Variants in MAL2 observed in about 807,000 individuals in gnomAD.
MAL2 encodes the protein protein MAL2.
Under a neutral mutation model 18.1 loss-of-function variants are expected in MAL2, and 17 were observed. The ratio of observed to expected loss-of-function variants is 0.94; its 90% CI spans 0.64 to 1.41. The LOEUF is 1.41. Ranked by LOEUF, MAL2 falls within the 40% of genes most tolerant of loss-of-function variation. The probability of loss-of-function intolerance (pLI) is 0.00; values close to 1 mark genes in which losing one functional copy is unlikely to be tolerated. For synonymous variants in MAL2, 102 were observed against 102.3 expected (o/e 1.00, Z 0.02); for missense variants, 222 against 231.9 (o/e 0.96, Z 0.28).
In MAL2 at chr8:119,244,979, T is replaced by C. The variant is rs1297328070; in HGVS notation, c.*1491T>C. On this transcript the variant is annotated 3_prime_UTR_variant, in exon 4 of 4. Coordinates refer to ENST00000614891, the MANE Select transcript of MAL2 (RefSeq NM_052886.3). The stretch of plus-strand genomic sequence containing the variant: ...GGAGTGCCATGTATAAGTTGGGCTA[T>C]TAGAGTTCATGGAACATAGAACAAC... 2.0e-5 allele frequency: 3 copies of C among 152,588 alleles called. No individual in the cohort carries two copies. The East Asian group carries it at 5.8e-4, about 29-fold the overall frequency. 9.5% of individuals were successfully genotyped at this position (152,588 alleles called of 1,614,324 possible). A position where few individuals can be genotyped will look rare whatever the true frequency, so the allele number is the denominator to read the frequency against.
At chr8:119,235,716 T>G (rs1400274305) in intron 2 of MAL2, among the ~76,000 whole-genome samples, 35 of 149,804 alleles carry the variant, frequency 2.3e-4, no homozygotes, top group South Asian at 2.1e-4. Context: ...GAAGGAGAAA[T>G]AAAATACTTT....
Position 119,208,543 on chromosome 8 carries a change from C to T in MAL2, c.71C>T (p.Thr24Ile), listed in dbSNP as rs1250982063. The change falls in exon 1 of 4, where the codon ACC (threonine) becomes ATC (isoleucine). Residue 24 changes from threonine (T) to isoleucine (I), a missense_variant. By Grantham distance (89) the Thr-to-Ile change is moderately conservative. Transcript: ENST00000614891. This position sits in a 1 kb window ranked among gnomAD's most constrained non-coding sequence, Gnocchi z 4.3. ...PAVSFPPPRV[T>I]LPAGPDILRT... is the part of the protein sequence containing the mutation. ...GTGTCCTTCCCGCCGCCCCGGGTCA[C>T]CCTGCCCGCCGGCCCCGACATCCTG... The T allele has an allele frequency of 3.6e-6, 5 of 1,400,176 alleles. No homozygotes were observed. The highest frequency in any genetic ancestry group is 6.1e-5 in the East Asian group (2 of 32,778). The allele number at this position is 1,400,176 out of a possible 1,614,324, so 86.7% of individuals were successfully genotyped here.
intron 1 of MAL2, among the ~76,000 whole-genome samples, chr8:119,217,879 G>A (rs1020356778): frequency 1.3e-5 from 2 of 152,138 alleles, no homozygotes; most frequent in Non-Finnish European, 2.9e-5. Context: ...CCCGGAATTA[G>A]AGGAAGTGAA....
intron 2 of MAL2, among the ~76,000 whole-genome samples, chr8:119,230,386 T>A (rs1203863914): frequency 6.6e-6 from 1 of 151,700 alleles, no homozygotes; most frequent in East Asian, 1.9e-4. Context: ...GAAACCACAA[T>A]TTAATTCAGA....
chr8:119,216,888 G>A (rs1587120622), intron 1 of MAL2, among the ~76,000 whole-genome samples: 1 of 152,094 alleles, frequency 6.6e-6, no homozygotes, highest in Admixed American at 6.5e-5. Context: ...AAATTGGTTT[G>A]AAAAAATTTT....
At chr8:119,235,555 C>A (rs1036501034) in intron 2 of MAL2, among the ~76,000 whole-genome samples, 10 of 151,008 alleles carry the variant, frequency 6.6e-5, no homozygotes, top group African/African-American at 2.4e-4. Context: ...AGAGAAAGGT[C>A]GGGTTACCCT....
At chr8:119,232,213 T>C (rs55636028) in intron 2 of MAL2, among the ~76,000 whole-genome samples, 11,947 of 152,048 alleles carry the variant, frequency 0.079, 1,361 homozygotes, top group African/African-American at 0.25. Context: ...TAAATATGTA[T>C]TTTTCTCAAT....
rs1817224230 is a variant in MAL2 at position 119,208,676 on chromosome 8, T to TGTCTTCCTCTGCGTCCGCCCC, written c.132+73_132+93dup. 1.6e-6 allele frequency: 2 copies of TGTCTTCCTCTGCGTCCGCCCC among 1,225,616 alleles called. No homozygotes were observed. The highest frequency in any genetic ancestry group is 2.0e-6 in the Non-Finnish European group (2 of 981,922). The allele number at this position is 1,225,616 out of a possible 1,614,324, so 75.9% of individuals were successfully genotyped here. ...GCGGCGGCATCCTTGTCCCCCGGGC[T>TGTCTTCCTCTGCGTCCGCCCC]GTCTTCCTCTGCGTCCGCCCCCGGC... On this transcript the variant is annotated intron_variant, in intron 1 of 3. Coordinates refer to ENST00000614891, the MANE Select transcript of MAL2 (RefSeq NM_052886.3). The surrounding 1 kb of genome is among the most constrained non-coding windows in gnomAD (Gnocchi z 4.3).
intron 2 of MAL2, chr8:119,224,282 G>A (rs1166135012): frequency 6.6e-6 from 1 of 151,978 alleles, no homozygotes; most frequent in African/African-American, 2.4e-5. Context: ...AGGAGATTTT[G>A]GTTTTGAAAC....
rs1817462803 is a variant in MAL2 at position 119,221,483 on chromosome 8, G to C, written c.133-104G>C. The C allele has an allele frequency of 2.1e-6, 3 of 1,396,352 alleles. No individual in the cohort carries two copies. In the East Asian group the frequency reaches 6.9e-5, roughly 32 times the overall value. The allele number at this position is 1,396,352 out of a possible 1,614,324, so 86.5% of individuals were successfully genotyped here. A position where few individuals can be genotyped will look rare whatever the true frequency, so the allele number is the denominator to read the frequency against. ...GTTGCTGGAATATGTGCAGGGGTCT[G>C]GGAGGAAAATGAAGGCAATGCTGAG... On this transcript the variant is annotated intron_variant, in intron 1 of 3. Coordinates refer to ENST00000614891, the MANE Select transcript of MAL2 (RefSeq NM_052886.3).
Position 119,208,666 on chromosome 8 carries a change from T to C in MAL2, c.132+62T>C. Reference sequence around the variant, plus strand: ...GCGAGGACAGGCGGCGGCATCCTTGTCCCCCGGGCTGTCTTCCTCTGCGTC... The same window carrying C: ...GCGAGGACAGGCGGCGGCATCCTTGCCCCCCGGGCTGTCTTCCTCTGCGTC... On this transcript the variant is annotated intron_variant, in intron 1 of 3. Transcript: ENST00000614891. The surrounding 1 kb of genome is among the most constrained non-coding windows in gnomAD (Gnocchi z 4.3). 1 of 1,240,254 alleles carries C rather than the reference T, an allele frequency of 8.1e-7. No individual in the cohort carries two copies. The highest frequency in any genetic ancestry group is 3.3e-5 in the South Asian group (1 of 29,988). 76.8% of individuals were successfully genotyped at this position (1,240,254 alleles called of 1,614,324 possible). A position where few individuals can be genotyped will look rare whatever the true frequency, so the allele number is the denominator to read the frequency against.
chr8:119,224,374 T>A (rs1019892483), intron 2 of MAL2: 1 of 152,118 alleles, frequency 6.6e-6, no homozygotes. Context: ...ATTTATATAG[T>A]CCCCTTTGTA....
intron 3 of MAL2, 133 bp from the exon 4 acceptor site, chr8:119,243,283 TG>T: frequency 3.8e-6 from 2 of 519,850 alleles, no homozygotes; most frequent in Non-Finnish European, 3.2e-6. Flanking sequence ...AAAAAAACAA[TG>T]TAAAATATTT....
intron 1 of MAL2, among the ~76,000 whole-genome samples, chr8:119,220,707 C>A (rs2129806876): frequency 6.6e-6 from 1 of 152,242 alleles, no homozygotes; most frequent in Middle Eastern, 3.4e-3. Flanking sequence ...GCCATGGAAC[C>A]CCCCTTTCCT....
At chr8:119,221,420 G>A in intron 1 of MAL2, 167 bp from the exon 2 acceptor site, 2 of 727,824 alleles carry the variant, frequency 2.7e-6, no homozygotes, top group Non-Finnish European at 2.3e-6. Flanking sequence ...GAGGAAAGAA[G>A]GCATCTTACA....
chr8:119,234,580 C>A (rs1817831429), intron 2 of MAL2, among the ~76,000 whole-genome samples: 1 of 152,078 alleles, frequency 6.6e-6, no homozygotes, highest in South Asian at 2.1e-4. Flanking sequence ...TTGAAGAGAG[C>A]AGTGGTTCTC....
chr8:119,224,824 T>A (rs1428383633), intron 2 of MAL2, among the ~76,000 whole-genome samples: 3 of 152,220 alleles, frequency 2.0e-5, no homozygotes, highest in Non-Finnish European at 4.4e-5. Flanking sequence ...GTGAGTTACT[T>A]CATTTAGAAT....
At chr8:119,231,326 C>G (rs527366022) in intron 2 of MAL2, among the ~76,000 whole-genome samples, 4 of 152,172 alleles carry the variant, frequency 2.6e-5, no homozygotes. Context: ...GCCACTGTGC[C>G]CAGCCAGATA....
At chr8:119,242,842 G>C (rs753778013) in intron 3 of MAL2, among the ~76,000 whole-genome samples, 4 of 152,186 alleles carry the variant, frequency 2.6e-5, no homozygotes, top group Admixed American at 6.5e-5. Context: ...TATGTACCAA[G>C]TATAGTGATA....
Sources: gnomAD v4.1 joint callset for allele counts (sites outside exome capture counted in the v4.1 genomes callset) on GRCh38, gnomAD v4.1.1 for gene constraint, Gnocchi (gnomAD v3.1) non-coding constraint, MANE v1.5 for transcripts, NCBI Gene and HGNC (gene_info 2026-07-23, HGNC 2026-07-21) for gene names.